The following MYO5A variants were observed in gnomAD, a reference collection of about 807,000 sequenced individuals.
MYO5A encodes the protein unconventional myosin-Va.
Under a neutral mutation model 249.7 loss-of-function variants are expected in MYO5A, and 98 were observed. That is an observed-to-expected ratio of 0.39 (90% CI 0.33 to 0.46). The LOEUF (loss-of-function observed/expected upper bound fraction) is 0.46, where lower values mean the gene tolerates loss of function less well. Ranked by LOEUF, MYO5A falls within the 20% of genes least tolerant of loss-of-function variation. MYO5A has a pLI of 0.98. For missense variants in MYO5A, 1,696 were observed against 2,308.8 expected (o/e 0.73, Z 5.44); for synonymous variants, 778 against 810.6 (o/e 0.96, Z 0.68).
intron 5 of MYO5A, among the ~76,000 whole-genome samples, chr15:52,413,470 A>G (rs1020036545): frequency 6.6e-6 from 1 of 152,192 alleles, no homozygotes; most frequent in African/African-American, 2.4e-5. Context: ...TTTTTAAAGA[A>G]TAATGTGCAT....
chr15:52,407,124 CAAAAAG>C (rs1379902341), intron 8 of MYO5A, among the ~76,000 whole-genome samples, 162 bp downstream of exon 8: 1 of 152,144 alleles, frequency 6.6e-6, no homozygotes, highest in Non-Finnish European at 1.5e-5. Flanking sequence ...TCCATCATCC[CAAAAAG>C]AAATCTCCTG....
At position 52,313,693 on chromosome 15, in the gene MYO5A, C is replaced by G. The variant is rs3751617; in HGVS notation, c.*3G>C. 5.7e-4 allele frequency: 922 copies of G among 1,614,122 alleles called. 8 individuals are homozygous for G. In the East Asian group the frequency reaches 0.011, roughly 20 times the overall value. ...ATTGTCAATTTTTGCCTGGACATCA[C>G]TTTCAGACCCGTGAAATGAAGCCCA... is the stretch of plus-strand genomic sequence containing the variant. On this transcript the variant is annotated 3_prime_UTR_variant, in exon 42 of 42. Transcript: ENST00000399233.
chr15:52,430,290 A>G (rs2075497863), intron 2 of MYO5A, among the ~76,000 whole-genome samples: 1 of 152,202 alleles, frequency 6.6e-6, no homozygotes, highest in Admixed American at 6.5e-5. Flanking sequence ...CAGAAGGGCA[A>G]CCCAGAGCTC....
intron 40 of MYO5A, among the ~76,000 whole-genome samples, chr15:52,316,555 CCTTA>C (rs973223482): frequency 3.9e-5 from 6 of 152,140 alleles, no homozygotes; most frequent in African/African-American, 1.4e-4. Context: ...AGGAATTTTT[CCTTA>C]TTTATTGAAG....
Position 52,389,608 on chromosome 15 carries a change from C to T in MYO5A, c.1543-245G>A, listed in dbSNP as rs151076723. Among the ~76,000 whole-genome samples the T allele has an allele frequency of 4.4e-4, 67 of 152,196 alleles. 1 individual carries two copies. In the East Asian group the frequency reaches 7.1e-3, roughly 16 times the overall value. Reference sequence around the variant, plus strand: ...CCAATCTTTGGGCAGTTCAATCTGCCTATATGAAAAATCATCAAATAAATT... The same window carrying T: ...CCAATCTTTGGGCAGTTCAATCTGCTTATATGAAAAATCATCAAATAAATT... On this transcript the variant is annotated intron_variant, in intron 12 of 41. Coordinates refer to ENST00000399233, the MANE Select transcript of MYO5A (RefSeq NM_001382347.1).
At chr15:52,321,269 C>A in intron 38 of MYO5A, 90 bp downstream of exon 38, 1 of 1,544,746 alleles carries the variant, frequency 6.5e-7, no homozygotes. Flanking sequence ...CAAATGAATA[C>A]CTGCCCTGAA....
chr15:52,403,448 G>A (rs1023308246), intron 9 of MYO5A, among the ~76,000 whole-genome samples: 9 of 152,136 alleles, frequency 5.9e-5, no homozygotes, highest in African/African-American at 1.7e-4. Flanking sequence ...AGCCAGTCAC[G>A]AAAAACCACA....
intron 23 of MYO5A, among the ~76,000 whole-genome samples, chr15:52,365,585 G>A (rs750800318): frequency 3.4e-4 from 52 of 152,078 alleles, no homozygotes; most frequent in South Asian, 8.3e-4. Context: ...TGCTTCTATT[G>A]CTTCACCACT....
chr15:52,483,891 A>C (rs2076765674), intron 1 of MYO5A, among the ~76,000 whole-genome samples: 1 of 152,230 alleles, frequency 6.6e-6, no homozygotes. Flanking sequence ...GAAATGAATC[A>C]TTCTGACCAA....
In MYO5A at chr15:52,314,129, A is replaced by G; in HGVS notation, c.5484T>C (p.Thr1828=). 6.2e-7 allele frequency: 1 copy of G among 1,605,508 alleles called. No individual in the cohort carries two copies. Among genetic ancestry groups the G allele is most frequent in the Middle Eastern group, 1.9e-4 (1 of 5,392 alleles). Residue 1828 remains threonine, a synonymous_variant, in exon 41 of 42, where the codon ACT becomes ACC. Transcript: ENST00000399233. ...EERVSVSFIR[T]IQMRLRDRKD... ...AGAAGATGGGAGCTCTTACCTGTAT[A>G]GTACGAATGAACGACACAGAGACTC...
chr15:52,510,512 G>C (rs537538385), intron 1 of MYO5A, among the ~76,000 whole-genome samples: 1 of 152,166 alleles, frequency 6.6e-6, no homozygotes, highest in Admixed American at 6.5e-5. Flanking sequence ...GTTAGGAACC[G>C]GGCCTCACAG....
Position 52,397,461 on chromosome 15 carries a change from C to T in MYO5A, c.1059G>A (p.Lys353=). 3 of 1,613,896 alleles carry T rather than the reference C, an allele frequency of 1.9e-6. No homozygotes were observed. The highest frequency in any genetic ancestry group is 1.1e-5 in the South Asian group (1 of 91,042). ...CACAGAAGATGCAGAGAGGTTCATG[C>T]TTGGGCTGCCAAAAGATAATGAGTT... The part of the protein sequence containing the change: ...RDADSCTIPP[K]HEPLCIFCEL... The change falls in exon 10 of 42, where the codon AAG becomes AAA. Residue 353 remains lysine, a synonymous_variant. Coordinates refer to ENST00000399233, the MANE Select transcript of MYO5A (RefSeq NM_001382347.1).
Position 52,309,224 on chromosome 15 carries a change from C to G in MYO5A, c.*4472G>C, listed in dbSNP as rs2037706199. The G allele has an allele frequency of 6.6e-6, 1 of 152,258 alleles. No individual in the cohort carries two copies. The highest frequency in any genetic ancestry group is 2.4e-5 in the African/African-American group (1 of 41,444). The allele number at this position is 152,258 out of a possible 1,614,324, so 9.4% of individuals were successfully genotyped here. A position where few individuals can be genotyped will look rare whatever the true frequency, so the allele number is the denominator to read the frequency against. ...TCTTTTTGGTTGAGACAACCTGCTA[C>G]CAATTAATGCCCAAACAGAGTATTG... On this transcript the variant is annotated 3_prime_UTR_variant, in exon 42 of 42. Transcript: ENST00000399233.
intron 1 of MYO5A, among the ~76,000 whole-genome samples, chr15:52,504,054 C>CTCCTTTTTTT (rs1555386579): frequency 1.6e-5 from 2 of 122,994 alleles, no homozygotes; most frequent in African/African-American, 3.0e-5. Context: ...GTTTCTCCTT[C>CTCCTTTTTTT]TTTTTTTTTT....
chr15:52,321,792 T>TAAAAAAAA (rs71875115), intron 37 of MYO5A, among the ~76,000 whole-genome samples: 6 of 92,840 alleles, frequency 6.5e-5, no homozygotes, highest in African/African-American at 1.6e-4. Context: ...GGAACTTAAC[T>TAAAAAAAA]AAAAAAAAAA....
chr15:52,475,898 T>C (rs1015744429), intron 1 of MYO5A, among the ~76,000 whole-genome samples: 1 of 152,242 alleles, frequency 6.6e-6, no homozygotes, highest in Admixed American at 6.5e-5. Flanking sequence ...TAGATGTCTA[T>C]TAGGTACACT....
At chr15:52,329,942 G>A (rs558847068) in intron 35 of MYO5A, among the ~76,000 whole-genome samples, 2 of 118,082 alleles carry the variant, frequency 1.7e-5, no homozygotes, top group South Asian at 2.7e-4. Context: ...GGAGAGATGC[G>A]GTCTTGCTAT....
In MYO5A at chr15:52,370,638, G is replaced by A. The variant is rs1438833085; in HGVS notation, c.2818-221C>T. Among the ~76,000 whole-genome samples, 3 of 152,128 alleles carry A rather than the reference G, an allele frequency of 2.0e-5. No individual in the cohort carries two copies. In the East Asian group the frequency reaches 5.8e-4, roughly 29 times the overall value. ...CAATTAATTCAATTCTGTTTGATGT[G>A]GTAAGCAAGATGGATGTGATTTTCT... On this transcript the variant is annotated intron_variant, in intron 21 of 41. Transcript: ENST00000399233.
At chr15:52,412,721 G>A (rs889552519) in intron 5 of MYO5A, among the ~76,000 whole-genome samples, 1 of 152,110 alleles carries the variant, frequency 6.6e-6, no homozygotes, top group Non-Finnish European at 1.5e-5. Flanking sequence ...TAATCAGCAA[G>A]AAGCCACTAA....
Sources: allele counts gnomAD v4.1 joint callset (sites outside exome capture counted in the v4.1 genomes callset), GRCh38; gene constraint gnomAD v4.1.1; transcripts MANE v1.5; gene names NCBI Gene and HGNC (gene_info 2026-07-23, HGNC 2026-07-21).